BNC2: variants seen among roughly 807,000 people sequenced by gnomAD.
BNC2 encodes basonuclin zinc finger protein 2.
A neutral mutation model predicts 76.3 loss-of-function variants in BNC2; 20 were observed. That is an observed-to-expected ratio of 0.26 (90% CI 0.18 to 0.38). BNC2 has a LOEUF of 0.38. Among genes scored for constraint, BNC2 ranks in the 10% least tolerant of loss-of-function variants. The pLI is 1.00. For synonymous variants in BNC2, 582 were observed against 514.8 expected, an observed-to-expected ratio of 1.13 and a Z score of -1.77; for missense variants, 1,382 against 1,399.8, an observed-to-expected ratio of 0.99 and a Z score of 0.20.
At chr9:16,841,001 G>C (rs1317723679) in intron 1 of BNC2, among the ~76,000 whole-genome samples, 2 of 152,160 alleles carry the variant, frequency 1.3e-5, no homozygotes, top group African/African-American at 4.8e-5. Flanking sequence ...AGGGTAATTA[G>C]TATTTTCGTT....
chr9:16,587,339 C>T (rs1819801257), intron 3 of BNC2, among the ~76,000 whole-genome samples: 1 of 151,958 alleles, frequency 6.6e-6, no homozygotes. Context: ...TCAGCTTCCC[C>T]AGTAGCTGGG....
intron 3 of BNC2, among the ~76,000 whole-genome samples, chr9:16,661,093 G>A (rs1391980393): frequency 1.3e-5 from 2 of 152,122 alleles, no homozygotes; most frequent in Non-Finnish European, 2.9e-5. Context: ...CTCAAGAAAA[G>A]CAATTAACCT....
chr9:16,424,115 G>C (rs1465254573), intron 6 of BNC2, among the ~76,000 whole-genome samples: 1 of 152,108 alleles, frequency 6.6e-6, no homozygotes, highest in Non-Finnish European at 1.5e-5. Context: ...TAGAGAGAAA[G>C]CAAGTCTTGC....
chr9:16,864,169 C>T (rs2136222065), intron 1 of BNC2, among the ~76,000 whole-genome samples: 1 of 152,126 alleles, frequency 6.6e-6, no homozygotes, highest in South Asian at 2.1e-4. Flanking sequence ...AAGAACCAGG[C>T]TATGCTAGAG....
chr9:16,846,412 T>A (rs570802224), intron 1 of BNC2, among the ~76,000 whole-genome samples: 1 of 152,334 alleles, frequency 6.6e-6, no homozygotes, highest in South Asian at 2.1e-4. Flanking sequence ...TGAAAAATAT[T>A]TGTCACCAAT....
chr9:16,452,806 C>G (rs1296384943), intron 5 of BNC2, among the ~76,000 whole-genome samples: 1 of 152,164 alleles, frequency 6.6e-6, no homozygotes, highest in Non-Finnish European at 1.5e-5. Flanking sequence ...CCTGAATTCT[C>G]TTCTGGTCTT....
chr9:16,621,227 T>A (rs888114884), intron 3 of BNC2, among the ~76,000 whole-genome samples: 6 of 152,172 alleles, frequency 3.9e-5, no homozygotes, highest in African/African-American at 9.7e-5. Flanking sequence ...TTCTTTTGTC[T>A]GGGATTGTGA....
At chr9:16,614,768 G>A (rs1346138276) in intron 3 of BNC2, among the ~76,000 whole-genome samples, 1 of 151,822 alleles carries the variant, frequency 6.6e-6, no homozygotes, top group Non-Finnish European at 1.5e-5. Flanking sequence ...GCAACACAGG[G>A]AAGCCCTGTC....
chr9:16,828,189 T>C (rs189336812), intron 1 of BNC2, among the ~76,000 whole-genome samples: 2 of 152,312 alleles, frequency 1.3e-5, no homozygotes, highest in East Asian at 3.9e-4. Flanking sequence ...AGTAGCTTAA[T>C]CAAATCTTTT....
At position 16,758,736 on chromosome 9, in the gene BNC2, G is replaced by A. The variant is rs540418290; in HGVS notation, c.4-20251C>T. Among the ~76,000 whole-genome samples the A allele has an allele frequency of 2.6e-5, 4 of 152,138 alleles. No homozygotes were observed. In the South Asian group the frequency reaches 8.3e-4, roughly 32 times the overall value. ...CGCACAAGACATACAAAAATGTTAG[G>A]TTAGCATTCTACACTGAGAATTAAT... is the stretch of plus-strand genomic sequence containing the variant. On this transcript the variant is annotated intron_variant, in intron 1 of 6. Coordinates refer to ENST00000380672, the MANE Select transcript of BNC2 (RefSeq NM_017637.6).
intron 5 of BNC2, among the ~76,000 whole-genome samples, chr9:16,550,637 G>A (rs1818629603): frequency 6.6e-6 from 1 of 152,188 alleles, no homozygotes. Context: ...TGTTTGGACA[G>A]AAAGATACAA....
At chr9:16,460,571 C>A (rs1347613476) in intron 5 of BNC2, among the ~76,000 whole-genome samples, 1 of 152,040 alleles carries the variant, frequency 6.6e-6, no homozygotes, top group African/African-American at 2.4e-5. Context: ...GGCAGTGAAC[C>A]GAGATCATGC....
At chr9:16,625,747 C>T (rs1033942919) in intron 3 of BNC2, 1 of 152,376 alleles carries the variant, frequency 6.6e-6, no homozygotes, top group Non-Finnish European at 1.5e-5. Flanking sequence ...TCCCTATCCC[C>T]GACCCTGGGC....
intron 3 of BNC2, among the ~76,000 whole-genome samples, chr9:16,670,156 G>T (rs1178781910): frequency 3.9e-5 from 6 of 152,150 alleles, no homozygotes; most frequent in African/African-American, 1.4e-4. Context: ...ATATGTCATG[G>T]TTTAATAGAA....
At chr9:16,773,281 A>G (rs1448872776) in intron 1 of BNC2, among the ~76,000 whole-genome samples, 1 of 152,184 alleles carries the variant, frequency 6.6e-6, no homozygotes, top group Non-Finnish European at 1.5e-5. Flanking sequence ...ATGAAGGCTT[A>G]TGACTTTGCA....
intron 1 of BNC2, among the ~76,000 whole-genome samples, chr9:16,788,403 A>C: frequency 6.6e-6 from 1 of 151,952 alleles, no homozygotes; most frequent in Non-Finnish European, 1.5e-5. Flanking sequence ...AATACAAAAA[A>C]TTAGCCGGGC....
chr9:16,666,791 C>G (rs1003982866), intron 3 of BNC2, among the ~76,000 whole-genome samples: 5 of 152,130 alleles, frequency 3.3e-5, no homozygotes, highest in Admixed American at 6.5e-5. Context: ...CGTTTTGAAG[C>G]AATATATTCT....
chr9:16,748,044 C>A (rs1167815019), intron 1 of BNC2, among the ~76,000 whole-genome samples: 1 of 151,930 alleles, frequency 6.6e-6, no homozygotes, highest in African/African-American at 2.4e-5. Context: ...TACAGATAAA[C>A]AACATCTCCA....
chr9:16,458,246 G>A (rs940606529), intron 5 of BNC2, among the ~76,000 whole-genome samples: 1 of 152,150 alleles, frequency 6.6e-6, no homozygotes, highest in African/African-American at 2.4e-5. Context: ...TTAGAGAGCA[G>A]CCATCAAATG....
Sources: allele counts gnomAD v4.1 joint callset (sites outside exome capture counted in the v4.1 genomes callset), GRCh38; gene constraint gnomAD v4.1.1; transcripts MANE v1.5; gene names NCBI Gene and HGNC (gene_info 2026-07-23, HGNC 2026-07-21).